CCDC171: variants seen among roughly 807,000 people sequenced by gnomAD.
CCDC171 encodes the protein coiled-coil domain containing 171, also known as coiled-coil domain-containing protein 171.
CCDC171 carries 177 observed loss-of-function variants against 168.2 expected under a neutral mutation model. The observed-to-expected ratio is 1.05, with a 90% CI of 0.93 to 1.19. The LOEUF (loss-of-function observed/expected upper bound fraction) is 1.19, where lower values mean the gene tolerates loss of function less well. Among genes scored for constraint, CCDC171 ranks in the 50% most tolerant of loss-of-function variants. The pLI, the probability that CCDC171 is intolerant of heterozygous loss-of-function variation, is 0.00. For missense variants in CCDC171, 1,991 were observed against 1,539.0 expected (o/e 1.29, Z -4.91); for synonymous variants, 687 against 540.8 (o/e 1.27, Z -3.75).
intron 3 of CCDC171, among the ~76,000 whole-genome samples, chr9:16,006,947 A>G (rs1832716716): frequency 6.6e-6 from 1 of 152,212 alleles, no homozygotes; most frequent in Admixed American, 6.5e-5. Flanking sequence ...GTATATACCC[A>G]GTAATGGGAT....
chr9:16,077,023 A>T, the CCDC171 span, among the ~76,000 whole-genome samples: 1 of 152,320 alleles, frequency 6.6e-6, no homozygotes, highest in African/African-American at 2.4e-5. Flanking sequence ...TTTGGAACTC[A>T]ACCAACAATA....
chr9:15,954,114 C>T (rs1829510463), intron 25 of CCDC171, among the ~76,000 whole-genome samples: 2 of 150,728 alleles, frequency 1.3e-5, no homozygotes, highest in Admixed American at 1.3e-4. Flanking sequence ...TTTCAAAGAA[C>T]CAACTTTTGG....
At chr9:15,894,225 A>G (rs1036296359) in intron 24 of CCDC171, among the ~76,000 whole-genome samples, 2 of 152,142 alleles carry the variant, frequency 1.3e-5, no homozygotes, top group Non-Finnish European at 2.9e-5. Flanking sequence ...GAACTGAATG[A>G]TGAGAACACA....
chr9:15,746,823 G>T (rs1335408297), intron 18 of CCDC171, among the ~76,000 whole-genome samples: 1 of 152,202 alleles, frequency 6.6e-6, no homozygotes, highest in Middle Eastern at 3.2e-3. Context: ...AGCACAAGGG[G>T]TCAGGGGATT....
intron 24 of CCDC171, among the ~76,000 whole-genome samples, chr9:15,879,160 C>T (rs2131307902): frequency 6.6e-6 from 1 of 152,290 alleles, no homozygotes; most frequent in Middle Eastern, 3.4e-3. Context: ...CATTCAGACA[C>T]AACCAATGTT....
intron 11 of CCDC171, among the ~76,000 whole-genome samples, chr9:15,700,360 C>T (rs2051621121): frequency 6.6e-6 from 1 of 152,376 alleles, no homozygotes; most frequent in Admixed American, 6.5e-5. Flanking sequence ...AGCCCACGCC[C>T]ACCCGGAACT....
chr9:15,618,445 C>A (rs751083425), intron 6 of CCDC171, among the ~76,000 whole-genome samples: 1 of 152,232 alleles, frequency 6.6e-6, no homozygotes, highest in Non-Finnish European at 1.5e-5. Context: ...TGGTTCTTAG[C>A]TTGCTAGGCT....
intron 23 of CCDC171, among the ~76,000 whole-genome samples, chr9:15,859,136 G>A (rs1420157218): frequency 6.6e-6 from 1 of 151,966 alleles, no homozygotes; most frequent in Non-Finnish European, 1.5e-5. Context: ...TGCTTTTTAT[G>A]CATCTATTGA....
In CCDC171 at chr9:15,777,742, C is replaced by T; in HGVS notation, c.2814C>T (p.Ser938=). The change falls in exon 19 of 26, where the codon TCC becomes TCT. Residue 938 remains serine (S), a synonymous_variant. Coordinates refer to ENST00000380701, the MANE Select transcript of CCDC171 (RefSeq NM_173550.4). ...GTATTACATATGTAGAAAAAGATTC[C>T]CTGGTTCAGAGGCTGGCCCATGGAC... ...SRSITYVEKD[S]LVQRLAHGLH... 6.2e-7 allele frequency: 1 copy of T among 1,613,876 alleles called. No homozygotes were observed. The highest frequency in any genetic ancestry group is 1.6e-4 in the Middle Eastern group (1 of 6,062).
intron 3 of CCDC171, among the ~76,000 whole-genome samples, chr9:15,989,102 T>G (rs1366947349): frequency 6.6e-6 from 1 of 152,128 alleles, no homozygotes; most frequent in Non-Finnish European, 1.5e-5. Flanking sequence ...GCATGGAGTT[T>G]GAGATCTGAG....
chr9:16,059,951 G>T (rs1442824905), intron 1 of CCDC171, among the ~76,000 whole-genome samples: 1 of 151,520 alleles, frequency 6.6e-6, no homozygotes, highest in South Asian at 2.1e-4. Flanking sequence ...CTGAGATGAA[G>T]TCTGGAACAG....
At chr9:16,070,714 T>C in the CCDC171 span, among the ~76,000 whole-genome samples, 2 of 152,220 alleles carry the variant, frequency 1.3e-5, no homozygotes, top group African/African-American at 4.8e-5. Flanking sequence ...CTATGGCCTC[T>C]ATTTTGGCCT....
chr9:15,793,938 T>C (rs1395131437), intron 21 of CCDC171, among the ~76,000 whole-genome samples: 2 of 152,126 alleles, frequency 1.3e-5, no homozygotes, highest in African/African-American at 4.8e-5. Flanking sequence ...TCTATAATGA[T>C]AGTTTTGTTT....
At chr9:16,031,361 C>T (rs1466446446) in intron 6 of CCDC171, among the ~76,000 whole-genome samples, 1 of 152,180 alleles carries the variant, frequency 6.6e-6, no homozygotes, top group Non-Finnish European at 1.5e-5. Context: ...ATATTTCACA[C>T]CTGAAAAACT....
At chr9:15,702,950 C>G (rs965195246) in intron 11 of CCDC171, among the ~76,000 whole-genome samples, 1 of 150,166 alleles carries the variant, frequency 6.7e-6, no homozygotes, top group Non-Finnish European at 1.5e-5. Context: ...GTTGCCCAGG[C>G]TGGAGTGCAG....
At chr9:16,035,461 T>C (rs1166548976) in exon 7 of CCDC171, 1 of 152,200 alleles carries the variant, frequency 6.6e-6, no homozygotes, top group Non-Finnish European at 1.5e-5. Flanking sequence ...CCCTAGGATC[T>C]GTGGCGAATG....
chr9:15,709,567 C>G (rs1315079285), intron 11 of CCDC171, among the ~76,000 whole-genome samples: 3 of 152,094 alleles, frequency 2.0e-5, no homozygotes, highest in Non-Finnish European at 2.9e-5. Flanking sequence ...TTCAAAAATA[C>G]TTGTTTGAGA....
chr9:15,587,483 A>G, intron 4 of CCDC171: 1 of 364,524 alleles, frequency 2.7e-6, no homozygotes, highest in Non-Finnish European at 5.5e-6. Flanking sequence ...TTCCCCAGCC[A>G]TGTGAAACTG....
At chr9:15,554,550 G>A (rs2038626652) in intron 1 of CCDC171, among the ~76,000 whole-genome samples, 1 of 152,142 alleles carries the variant, frequency 6.6e-6, no homozygotes, top group African/African-American at 2.4e-5. Flanking sequence ...TAGGCGTTAG[G>A]TTCTTTATCT....
Sources: gnomAD v4.1 joint callset for allele counts (sites outside exome capture counted in the v4.1 genomes callset) on GRCh38, gnomAD v4.1.1 for gene constraint, MANE v1.5 for transcripts, NCBI Gene and HGNC (gene_info 2026-07-23, HGNC 2026-07-21) for gene names.